NBEA: variants seen among roughly 807,000 people sequenced by gnomAD.
NBEA encodes neurobeachin, also known as lysosomal-trafficking regulator 2.
Under a neutral mutation model 343.4 loss-of-function variants are expected in NBEA, and 44 were observed. That is an observed-to-expected ratio of 0.13 (90% confidence interval 0.10 to 0.16). NBEA has a LOEUF of 0.16. Among genes scored for constraint, NBEA ranks in the 10% least tolerant of loss-of-function variants. The pLI, the probability that NBEA is intolerant of heterozygous loss-of-function variation, is 1.00. For synonymous variants in NBEA, 1,175 were observed against 1,238.7 expected (o/e 0.95, Z 1.08); for missense variants, 2,555 against 3,631.3 (o/e 0.70, Z 7.62).
At chr13:35,395,284 A>G (rs1289244912) in intron 38 of NBEA, among the ~76,000 whole-genome samples, 1 of 152,006 alleles carries the variant, frequency 6.6e-6, no homozygotes, top group Non-Finnish European at 1.5e-5. Context: ...ATTGGATCAC[A>G]GGGGTGGATT....
intron 38 of NBEA, among the ~76,000 whole-genome samples, chr13:35,380,480 G>A (rs940151309): frequency 6.6e-6 from 1 of 151,928 alleles, no homozygotes; most frequent in African/African-American, 2.4e-5. Context: ...ATAATTTGTA[G>A]TTTTCAGTGT....
chr13:35,481,625 C>T lies in NBEA; in HGVS notation c.6585+9089C>T, dbSNP rs188879657. Among the ~76,000 whole-genome samples the T allele has an allele frequency of 4.8e-3, 735 of 151,850 alleles. 5 individuals are homozygous for T. Among genetic ancestry groups the T allele is most frequent in the African/African-American group, 0.016 (675 of 41,506 alleles). The stretch of plus-strand genomic sequence containing the variant: ...TTCCAATAGTCTAATTTCTCACAAA[C>T]CCTTCAGAAAGTTACTATTATCTTT... On this transcript the variant is annotated intron_variant, in intron 41 of 58. Transcript: ENST00000379939.
chr13:35,245,166 T>C (rs549631713), intron 34 of NBEA, among the ~76,000 whole-genome samples: 2 of 152,292 alleles, frequency 1.3e-5, no homozygotes, highest in South Asian at 4.1e-4. Context: ...TCCACCCTTT[T>C]ACCTTAATTT....
chr13:35,525,908 G>A (rs2077952170), intron 41 of NBEA, among the ~76,000 whole-genome samples: 1 of 152,078 alleles, frequency 6.6e-6, no homozygotes, highest in Non-Finnish European at 1.5e-5. Context: ...CCTTCCCAAA[G>A]GCCCCACCTC....
chr13:35,566,188 C>G (rs569467217), intron 44 of NBEA, among the ~76,000 whole-genome samples: 1 of 152,074 alleles, frequency 6.6e-6, no homozygotes, highest in Admixed American at 6.6e-5. Flanking sequence ...TGGTGAAACC[C>G]CATCTCTACC....
intron 6 of NBEA, 89 bp downstream of exon 6, chr13:35,050,484 G>A (rs1037825125): frequency 6.9e-6 from 9 of 1,303,204 alleles, no homozygotes; most frequent in African/African-American, 4.5e-5. Flanking sequence ...TCTCTTTCAC[G>A]GGTTTTCCTA....
At chr13:35,312,410 G>A (rs1202737417) in intron 36 of NBEA, among the ~76,000 whole-genome samples, 1 of 152,208 alleles carries the variant, frequency 6.6e-6, no homozygotes, top group Non-Finnish European at 1.5e-5. Context: ...CTAGCGGCAA[G>A]AGAATAGTGA....
intron 33 of NBEA, among the ~76,000 whole-genome samples, chr13:35,224,499 A>G (rs1327067243): frequency 6.6e-5 from 10 of 152,188 alleles, no homozygotes; most frequent in Non-Finnish European, 1.3e-4. Context: ...TTATTGGCCT[A>G]TCTTCAAATT....
intron 36 of NBEA, among the ~76,000 whole-genome samples, chr13:35,320,638 G>T (rs1235115880): frequency 2.6e-5 from 4 of 152,066 alleles, no homozygotes; most frequent in African/African-American, 9.7e-5. Flanking sequence ...TTGAATATTG[G>T]CCTGTCTTGC....
intron 17 of NBEA, among the ~76,000 whole-genome samples, chr13:35,140,059 T>G (rs1399643758): frequency 6.6e-6 from 1 of 152,170 alleles, no homozygotes; most frequent in East Asian, 1.9e-4. Context: ...TCTCACTCTG[T>G]TGCTCAGGCT....
intron 4 of NBEA, among the ~76,000 whole-genome samples, chr13:35,046,732 G>A (rs2062870181): frequency 6.6e-6 from 1 of 151,894 alleles, no homozygotes. Flanking sequence ...CTCCTTCTTT[G>A]TCTCTCTCTC....
At chr13:35,586,899 A>G (rs912918055) in intron 46 of NBEA, among the ~76,000 whole-genome samples, 4 of 152,230 alleles carry the variant, frequency 2.6e-5, no homozygotes, top group African/African-American at 9.6e-5. Flanking sequence ...CCACAAGTCA[A>G]AACTAAACAA....
At position 35,479,424 on chromosome 13, in the gene NBEA, C is replaced by T. The variant is rs564186461; in HGVS notation, c.6585+6888C>T. On this transcript the variant is annotated intron_variant, in intron 41 of 58. Coordinates refer to ENST00000379939, the MANE Select transcript of NBEA (RefSeq NM_001385012.1). ...AATCCTTTCAGTGATCGTAGACGCC[C>T]CTCATTGTTGAAGCGAGAATTAAGC... Among the ~76,000 whole-genome samples the T allele has an allele frequency of 9.9e-5, 15 of 152,222 alleles. No individual in the cohort carries two copies. In the South Asian group the frequency reaches 2.9e-3, roughly 29 times the overall value.
Position 35,377,155 on chromosome 13 carries a change from CAG to C in NBEA, c.6179+24834_6179+24835del, listed in dbSNP as rs2041790046. On this transcript the variant is annotated intron_variant, in intron 38 of 58. Transcript: ENST00000379939. The stretch of plus-strand genomic sequence containing the variant: ...AAATAAAAAAAGTGAAGAGAAGAAA[CAG>C]ATGTCTCCACCAACTGTGGGAGTAA... Among the ~76,000 whole-genome samples, 4 of 152,218 alleles carry C rather than the reference CAG, an allele frequency of 2.6e-5. No homozygotes were observed. The South Asian group carries it at 6.2e-4, about 24-fold the overall frequency.
chr13:35,276,061 T>C (rs2034562390), intron 34 of NBEA, among the ~76,000 whole-genome samples: 1 of 152,170 alleles, frequency 6.6e-6, no homozygotes, highest in Non-Finnish European at 1.5e-5. Context: ...GAACATCTGC[T>C]ATAGGGCTGA....
chr13:35,133,928 T>TA lies in NBEA; in HGVS notation c.2337-8331dup, dbSNP rs527991810. Reference sequence around the variant, plus strand: ...TGGTTACATGAATATTTATTATGTTTAAAAAAAAAACTGAGTAAAGAAACG... The same window carrying TA: ...TGGTTACATGAATATTTATTATGTTTAAAAAAAAAAACTGAGTAAAGAAACG... On this transcript the variant is annotated intron_variant, in intron 17 of 58. Coordinates refer to ENST00000379939, the MANE Select transcript of NBEA (RefSeq NM_001385012.1). Among the ~76,000 whole-genome samples the TA allele has an allele frequency of 4.2e-3, 628 of 148,706 alleles. 3 individuals are homozygous for TA. The highest frequency in any genetic ancestry group is 0.014 in the African/African-American group (577 of 40,726).
rs9593313 is a variant in NBEA at position 35,607,965 on chromosome 13, A to G, written c.7449+1387A>G. ...TTGATTTGACTATTCTAGACATTTCATGTAAACAGAATCATAAAATATGGG... is the reference window on the plus strand; with the variant it reads ...TTGATTTGACTATTCTAGACATTTCGTGTAAACAGAATCATAAAATATGGG... On this transcript the variant is annotated intron_variant, in intron 48 of 58. Transcript: ENST00000379939. Among the ~76,000 whole-genome samples the G allele has an allele frequency of 2.0e-3, 298 of 152,290 alleles. 1 individual carries two copies. Among genetic ancestry groups the G allele is most frequent in the African/African-American group, 7.1e-3 (293 of 41,556 alleles).
chr13:35,102,994 AT>A (rs2065724360), intron 11 of NBEA, among the ~76,000 whole-genome samples: 1 of 151,788 alleles, frequency 6.6e-6, no homozygotes, highest in Admixed American at 6.6e-5. Flanking sequence ...TAAGTATGAT[AT>A]TTTTAATAGA....
intron 8 of NBEA, among the ~76,000 whole-genome samples, chr13:35,065,968 T>G (rs1443160399): frequency 1.3e-5 from 2 of 151,254 alleles, no homozygotes; most frequent in African/African-American, 4.8e-5. Context: ...GTGTGTACAT[T>G]TTTTTTTTGG....
Sources: allele counts gnomAD v4.1 joint callset (sites outside exome capture counted in the v4.1 genomes callset), GRCh38; gene constraint gnomAD v4.1.1; transcripts MANE v1.5; gene names NCBI Gene and HGNC (gene_info 2026-07-23, HGNC 2026-07-21).